CASD1: variants seen among roughly 807,000 people sequenced by gnomAD.
CASD1 encodes N-acetylneuraminate (7)9-O-acetyltransferase.
A neutral mutation model predicts 100.0 loss-of-function variants in CASD1; 41 were observed. That is an observed-to-expected ratio of 0.41 (90% confidence interval 0.32 to 0.53). CASD1 has a LOEUF of 0.53. CASD1 is among the 20% of genes least tolerant of loss of function. The pLI is 0.25. For missense variants in CASD1, 774 were observed against 948.7 expected (o/e 0.82, Z 2.42); for synonymous variants, 321 against 315.6 (o/e 1.02, Z -0.18).
In CASD1 at chr7:94,555,494, A is replaced by C; in HGVS notation, c.2130A>C (p.Leu710=). The change falls in exon 18 of 18, where the codon CTA becomes CTC. Residue 710 remains leucine (L), a splice_region_variant and synonymous_variant. Transcript: ENST00000297273. ...FAWFGKISLE[L]FICQYHIWLA... is the part of the protein sequence containing the mutation. ...GACTTAAATATTTTTTCTCCTAGCT[A>C]TTTATTTGCCAGTATCACATATGGC... The C allele has an allele frequency of 3.1e-6, 5 of 1,610,652 alleles. No individual in the cohort carries two copies. The highest frequency in any genetic ancestry group is 4.2e-6 in the Non-Finnish European group (5 of 1,178,148).
At chr7:94,553,881 G>T (rs561228549) in intron 16 of CASD1, 1 of 152,080 alleles carries the variant, frequency 6.6e-6, no homozygotes, top group African/African-American at 2.4e-5. Context: ...AAAAGGACAG[G>T]GGAGAGGAGT....
chr7:94,541,841 C>A (rs1444407373), intron 10 of CASD1, among the ~76,000 whole-genome samples: 8 of 151,752 alleles, frequency 5.3e-5, no homozygotes, highest in Admixed American at 5.3e-4. Flanking sequence ...AGAAACCATC[C>A]TTTTTTCCTA....
At chr7:94,634,081 T>C in the CASD1 span, among the ~76,000 whole-genome samples, 1 of 152,180 alleles carries the variant, frequency 6.6e-6, no homozygotes, top group African/African-American at 2.4e-5. Context: ...GTATTGTCAA[T>C]ATTTATGTCC....
At chr7:94,611,443 C>T in the CASD1 span, among the ~76,000 whole-genome samples, 2 of 126,510 alleles carry the variant, frequency 1.6e-5, no homozygotes, top group African/African-American at 6.0e-5. Flanking sequence ...AGAATAGGCA[C>T]ATTTATAGAG....
chr7:94,628,179 T>C, the CASD1 span: 1 of 1,588,480 alleles, frequency 6.3e-7, no homozygotes. Flanking sequence ...TGTATAGTTT[T>C]GCTCTTTCTA....
the CASD1 span, chr7:94,624,215 T>C: frequency 7.7e-6 from 3 of 391,132 alleles, no homozygotes; most frequent in African/African-American, 4.2e-5. Context: ...ATCCCAGCAC[T>C]AACCTTCTGG....
At position 94,518,248 on chromosome 7, in the gene CASD1, A is replaced by G. The variant is rs1562932383; in HGVS notation, c.276A>G (p.Gly92=). 1 of 1,574,528 alleles carries G rather than the reference A, an allele frequency of 6.4e-7. No individual in the cohort carries two copies. Among genetic ancestry groups the G allele is most frequent in the Non-Finnish European group, 8.6e-7 (1 of 1,164,320 alleles). Residue 92 remains glycine, a synonymous_variant, in exon 3 of 18, where the codon GGA becomes GGG. Coordinates refer to ENST00000297273, the MANE Select transcript of CASD1 (RefSeq NM_022900.5). ...TAGATAAACATATTGCATTTATTGG[A>G]GATTCCAGAATTCGTCAATTGTTTT... ...CLVDKHIAFI[G]DSRIRQLFYS...
chr7:94,622,862 T>C, the CASD1 span, among the ~76,000 whole-genome samples: 1 of 152,186 alleles, frequency 6.6e-6, no homozygotes, highest in African/African-American at 2.4e-5. Flanking sequence ...TTATGGTTTA[T>C]TTGTTTTCCA....
At chr7:94,542,319 G>A (rs1346595110) in intron 10 of CASD1, among the ~76,000 whole-genome samples, 1 of 152,158 alleles carries the variant, frequency 6.6e-6, no homozygotes, top group African/African-American at 2.4e-5. Context: ...TGGCTATTGA[G>A]CACTTCGTAG....
At chr7:94,623,986 G>A in the CASD1 span, 2 of 385,476 alleles carry the variant, frequency 5.2e-6, no homozygotes, top group African/African-American at 2.1e-5. Flanking sequence ...CCCTTCATAC[G>A]GGCAAATATT....
rs572691267 is a variant in CASD1 at position 94,548,797 on chromosome 7, A to G, written c.1714-736A>G. On this transcript the variant is annotated intron_variant, in intron 13 of 17. Coordinates refer to ENST00000297273, the MANE Select transcript of CASD1 (RefSeq NM_022900.5). ...TTGATAGAGTTCATTGTGATTCTTT[A>G]TTCTGAAAATTGAGGGTTTTGTTCT... Among the ~76,000 whole-genome samples the G allele has an allele frequency of 4.6e-5, 7 of 151,914 alleles. No individual in the cohort carries two copies. In the East Asian group the frequency reaches 1.4e-3, roughly 29 times the overall value.
chr7:94,579,156 G>A, the CASD1 span, among the ~76,000 whole-genome samples: 1 of 148,058 alleles, frequency 6.8e-6, no homozygotes, highest in Non-Finnish European at 1.5e-5. Context: ...TCCTAAGTCA[G>A]TATTCACTCA....
the CASD1 span, chr7:94,618,635 T>A: frequency 1.3e-6 from 1 of 773,190 alleles, no homozygotes; most frequent in South Asian, 1.7e-5. Flanking sequence ...TTCATATCTT[T>A]ACAATATCTA....
the CASD1 span, among the ~76,000 whole-genome samples, chr7:94,572,930 T>C: frequency 6.6e-6 from 1 of 152,208 alleles, no homozygotes; most frequent in Non-Finnish European, 1.5e-5. Context: ...AGGAGACAAA[T>C]TCCAATCTTC....
At chr7:94,604,796 A>G in the CASD1 span, among the ~76,000 whole-genome samples, 1 of 91,910 alleles carries the variant, frequency 1.1e-5, no homozygotes. Context: ...TTTATAACTA[A>G]TGGTGCTGGA....
the CASD1 span, among the ~76,000 whole-genome samples, chr7:94,568,644 T>C: frequency 6.6e-6 from 1 of 152,206 alleles, no homozygotes; most frequent in Non-Finnish European, 1.5e-5. Flanking sequence ...AAGTGGGTGC[T>C]ATGGTCTGAA....
At chr7:94,544,019 A>G (rs1420808381) in intron 10 of CASD1, among the ~76,000 whole-genome samples, 2 of 152,328 alleles carry the variant, frequency 1.3e-5, no homozygotes, top group East Asian at 3.9e-4. Flanking sequence ...TCCATCTTGC[A>G]TTCAGGATGT....
the CASD1 span, among the ~76,000 whole-genome samples, chr7:94,591,916 C>T: frequency 6.6e-6 from 1 of 152,096 alleles, no homozygotes; most frequent in Non-Finnish European, 1.5e-5. Context: ...AGTGGGTGTT[C>T]TAAGTGGTTG....
intron 3 of CASD1, among the ~76,000 whole-genome samples, chr7:94,522,062 C>T (rs923374817): frequency 7.2e-5 from 11 of 151,958 alleles, no homozygotes; most frequent in South Asian, 2.1e-4. Flanking sequence ...CCAGCCTGGG[C>T]GACAGAGTGA....
Sources: allele counts gnomAD v4.1 joint callset (sites outside exome capture counted in the v4.1 genomes callset), GRCh38; gene constraint gnomAD v4.1.1; transcripts MANE v1.5; gene names NCBI Gene and HGNC (gene_info 2026-07-23, HGNC 2026-07-21).